STK4: variants seen among roughly 807,000 people sequenced by gnomAD.
STK4 encodes the protein serine/threonine-protein kinase 4.
STK4 carries 30 observed loss-of-function variants against 64.9 expected under a neutral mutation model. That is an observed-to-expected ratio of 0.46 (90% CI 0.35 to 0.63). STK4 has a LOEUF of 0.63. STK4 is among the 20% of genes least tolerant of loss of function. STK4 has a pLI of 0.01. For synonymous variants in STK4, 177 were observed against 199.0 expected (o/e 0.89, Z 0.93); for missense variants, 466 against 598.5 (o/e 0.78, Z 2.31).
In STK4 at chr20:45,027,201, G is replaced by A. The variant is rs142245459; in HGVS notation, c.1305+2071G>A. ...CCCAGCACTTTGGGAGGCCAAGGCC[G>A]GTCAATCACCTTAGGTCAGGAGTTC... is the stretch of plus-strand genomic sequence containing the variant. On this transcript the variant is annotated intron_variant, in intron 10 of 10. Coordinates refer to ENST00000372806, the MANE Select transcript of STK4 (RefSeq NM_006282.5). Among the ~76,000 whole-genome samples, 1,443 of 152,156 alleles carry A rather than the reference G, an allele frequency of 9.5e-3. 31 individuals are homozygous for A. Among genetic ancestry groups the A allele is most frequent in the African/African-American group, 0.033 (1,362 of 41,512 alleles).
rs1487847206 is a variant in STK4, at chr20:44,972,094, G to T, written c.52G>T (p.Asp18Tyr). The change falls in exon 2 of 11, where the codon GAT (aspartate) becomes TAT (tyrosine). Residue 18 changes from aspartate to tyrosine, a missense_variant. This residue lies in a region of STK4 where 190 missense variants were observed against 289.7 expected (regional missense o/e 0.66). Transcript: ENST00000372806. ...NPPRRQLKKLDEDSLTKQPEE... is the reference protein window; with the variant it reads ...NPPRRQLKKLYEDSLTKQPEE... ...TATTCACAGGCAGCTGAAAAAGTTG[G>T]ATGAAGATAGTTTAACCAAACAACC... 1 of 1,613,780 alleles carries T rather than the reference G, an allele frequency of 6.2e-7. No individual in the cohort carries two copies. Among genetic ancestry groups the T allele is most frequent in the Non-Finnish European group, 8.5e-7 (1 of 1,179,944 alleles).
intron 10 of STK4, among the ~76,000 whole-genome samples, chr20:45,033,462 A>AG (rs1289325161): frequency 1.3e-5 from 2 of 152,058 alleles, no homozygotes; most frequent in Admixed American, 1.3e-4. Flanking sequence ...CGGTTTAAGG[A>AG]GGGGGGTCCA....
intron 7 of STK4, among the ~76,000 whole-genome samples, chr20:44,999,600 G>A (rs1413874970): frequency 6.6e-6 from 1 of 152,132 alleles, no homozygotes; most frequent in Admixed American, 6.5e-5. Flanking sequence ...ACATATGATG[G>A]TATTAATATT....
chr20:45,051,358 G>A, intron 10 of STK4, among the ~76,000 whole-genome samples: 1 of 152,102 alleles, frequency 6.6e-6, no homozygotes, highest in Non-Finnish European at 1.5e-5. Flanking sequence ...TTTCTCTTTA[G>A]TTTCTTTCTT....
At chr20:45,054,524 T>A (rs1978320537) in intron 10 of STK4, among the ~76,000 whole-genome samples, 1 of 147,860 alleles carries the variant, frequency 6.8e-6, no homozygotes, top group South Asian at 2.2e-4. Context: ...ATTGCACCAC[T>A]GCACTCTAGC....
At chr20:45,050,806 C>G (rs940798977) in intron 10 of STK4, among the ~76,000 whole-genome samples, 1 of 151,956 alleles carries the variant, frequency 6.6e-6, no homozygotes, top group African/African-American at 2.4e-5. Context: ...TTTATGTCAT[C>G]TTTGGGAAAG....
chr20:44,970,097 G>A (rs1359929994), intron 1 of STK4, among the ~76,000 whole-genome samples: 4 of 152,056 alleles, frequency 2.6e-5, no homozygotes, highest in Admixed American at 1.3e-4. Flanking sequence ...CACTTAGATT[G>A]TTTCAAAGAT....
Position 45,000,439 on chromosome 20 carries a change from A to T in STK4, c.879A>T (p.Leu293Phe), listed in dbSNP as rs377009560. 11 of 1,614,096 alleles carry T rather than the reference A, an allele frequency of 6.8e-6. No homozygotes were observed. Among genetic ancestry groups the T allele is most frequent in the Non-Finnish European group, 9.3e-6 (11 of 1,179,974 alleles). Reference protein sequence around the residue: ...SAKGVSILRDLINEAMDVKLK... With the variant: ...SAKGVSILRDFINEAMDVKLK... Reference sequence around the variant, plus strand: ...AAGGAGTGTCAATACTGCGAGACTTAATTAATGAAGCCATGGATGTGAAAC... The same window carrying T: ...AAGGAGTGTCAATACTGCGAGACTTTATTAATGAAGCCATGGATGTGAAAC... Residue 293 changes from leucine to phenylalanine, a missense_variant, in exon 8 of 11, where the codon TTA becomes TTT. Around this residue, in one of 2 missense-constraint regions of STK4, gnomAD observed 276 missense variants for 308.9 expected, o/e 0.89. Coordinates refer to ENST00000372806, the MANE Select transcript of STK4 (RefSeq NM_006282.5).
chr20:44,991,731 C>T (rs62208314), intron 5 of STK4, among the ~76,000 whole-genome samples: 1,810 of 151,972 alleles, frequency 0.012, 22 homozygotes, highest in Middle Eastern at 0.021. Context: ...GGCACAATCA[C>T]GGCTCACTGC....
intron 10 of STK4, among the ~76,000 whole-genome samples, chr20:45,030,196 G>T (rs1030915854): frequency 1.1e-4 from 16 of 147,902 alleles, no homozygotes; most frequent in African/African-American, 3.5e-4. Context: ...AACCTCTGCC[G>T]CCCGGGTTCA....
intron 2 of STK4, among the ~76,000 whole-genome samples, chr20:44,977,688 G>T (rs925425148): frequency 6.6e-6 from 1 of 152,134 alleles, no homozygotes; most frequent in African/African-American, 2.4e-5. Flanking sequence ...TCAAAATCTA[G>T]TGGATCTGTA....
At chr20:45,048,993 T>C (rs976927829) in intron 10 of STK4, among the ~76,000 whole-genome samples, 2 of 151,376 alleles carry the variant, frequency 1.3e-5, no homozygotes, top group African/African-American at 2.5e-5. Context: ...CCCACATTGA[T>C]GTTTTTTTTT....
intron 10 of STK4, among the ~76,000 whole-genome samples, chr20:45,072,787 T>C (rs1024316975): frequency 6.6e-6 from 1 of 152,242 alleles, no homozygotes; most frequent in African/African-American, 2.4e-5. Flanking sequence ...AAACAGCTTA[T>C]TTATGGAAGA....
Position 44,987,127 on chromosome 20 carries a change from T to C in STK4, c.361-5T>C, listed in dbSNP as rs2067542743. Reference sequence around the variant, plus strand: ...TAGAATTTGAACTTCTTATTCTTTTTTCAGTTAACAGAAGATGAAATAGCT... The same window carrying C: ...TAGAATTTGAACTTCTTATTCTTTTCTCAGTTAACAGAAGATGAAATAGCT... On this transcript the variant is annotated splice_polypyrimidine_tract_variant and splice_region_variant and intron_variant, in intron 4 of 10. Transcript: ENST00000372806. 3 of 1,579,386 alleles carry C rather than the reference T, an allele frequency of 1.9e-6. No homozygotes were observed. The highest frequency in any genetic ancestry group is 2.6e-6 in the Non-Finnish European group (3 of 1,164,270).
At chr20:44,979,249 C>G (rs1335733995) in intron 3 of STK4, among the ~76,000 whole-genome samples, 1 of 151,944 alleles carries the variant, frequency 6.6e-6, no homozygotes, top group East Asian at 1.9e-4. Flanking sequence ...ACAGATAATT[C>G]AAATGTTTTT....
At chr20:45,058,213 G>C (rs1978670318) in intron 10 of STK4, among the ~76,000 whole-genome samples, 1 of 151,116 alleles carries the variant, frequency 6.6e-6, no homozygotes, top group South Asian at 2.1e-4. Flanking sequence ...TTTTGTTGCA[G>C]ATTTTTTTTT....
chr20:45,038,346 T>C (rs189612092), intron 10 of STK4, among the ~76,000 whole-genome samples: 3 of 152,282 alleles, frequency 2.0e-5, no homozygotes, highest in Non-Finnish European at 1.5e-5. Flanking sequence ...ATCATACTTT[T>C]ACAAATTAGG....
intron 9 of STK4, among the ~76,000 whole-genome samples, chr20:45,005,235 G>A (rs976578348): frequency 1.3e-5 from 2 of 151,982 alleles, no homozygotes; most frequent in African/African-American, 4.8e-5. Context: ...AAGTTAATCA[G>A]TATCTCTCTC....
intron 10 of STK4, among the ~76,000 whole-genome samples, chr20:45,032,608 G>A (rs933999034): frequency 5.9e-5 from 9 of 152,096 alleles, no homozygotes; most frequent in African/African-American, 1.2e-4. Flanking sequence ...GATCTTGCTC[G>A]TTTCTGTGGC....
Sources: allele counts gnomAD v4.1 joint callset (sites outside exome capture counted in the v4.1 genomes callset), GRCh38; gene constraint gnomAD v4.1.1; regional missense constraint gnomAD v4.1.1; transcripts MANE v1.5; gene names NCBI Gene and HGNC (gene_info 2026-07-23, HGNC 2026-07-21).